The following ZDHHC20 variants were observed in gnomAD, a reference collection of about 807,000 sequenced individuals.
ZDHHC20 encodes palmitoyltransferase ZDHHC20.
ZDHHC20 carries 43 observed loss-of-function variants against 57.8 expected under a neutral mutation model. That is an observed-to-expected ratio of 0.74 (90% CI 0.58 to 0.96). The LOEUF is 0.96. ZDHHC20 is among the 40% of genes least tolerant of loss of function. The probability of loss-of-function intolerance (pLI) is 0.00; values close to 1 mark genes in which losing one functional copy is unlikely to be tolerated. For synonymous variants in ZDHHC20, 157 were observed against 153.0 expected, an observed-to-expected ratio of 1.03 and a Z score of -0.19; for missense variants, 391 against 441.1, an observed-to-expected ratio of 0.89 and a Z score of 1.02.
chr13:21,402,903 G>A (rs1471127970), intron 4 of ZDHHC20, 37 bp from the exon 5 acceptor site: 2 of 1,484,634 alleles, frequency 1.3e-6, no homozygotes, highest in Non-Finnish European at 1.8e-6. Flanking sequence ...GCTGAAGGAT[G>A]TACAAACTTA....
chr13:21,453,687 T>C (rs1169481437), intron 1 of ZDHHC20, among the ~76,000 whole-genome samples: 1 of 151,972 alleles, frequency 6.6e-6, no homozygotes, highest in Non-Finnish European at 1.5e-5. Context: ...AACCCCCAAA[T>C]AAATGGAAAC....
chr13:21,459,114 G>C lies in ZDHHC20; in HGVS notation c.58C>G (p.Leu20Val). The C allele has an allele frequency of 6.2e-6, 10 of 1,607,780 alleles. No homozygotes were observed. The highest frequency in any genetic ancestry group is 8.5e-6 in the Non-Finnish European group (10 of 1,177,624). The change falls in exon 1 of 13, where the codon CTC becomes GTC. Residue 20 changes from leucine (L) to valine (V), a missense_variant. Leu to Val is a conservative substitution (Grantham distance 32, BLOSUM62 1). Coordinates refer to ENST00000400590, the MANE Select transcript of ZDHHC20 (RefSeq NM_001330059.2). Reference sequence around the variant, plus strand: ...CAGACGACCACGAAGGTGATGAAGAGCACCGGCACCCAGCCCACGACGCGC... The same window carrying C: ...CAGACGACCACGAAGGTGATGAAGACCACCGGCACCCAGCCCACGACGCGC... ...CQRVVGWVPVLFITFVVVWSY... is the reference protein window; with the variant it reads ...CQRVVGWVPVVFITFVVVWSY...
chr13:21,417,609 TTG>T (rs1178004930), intron 3 of ZDHHC20, among the ~76,000 whole-genome samples: 1 of 152,078 alleles, frequency 6.6e-6, no homozygotes, highest in African/African-American at 2.4e-5. Flanking sequence ...CCGGCTAATT[TTG>T]TGTTTTTAGT....
At chr13:21,384,048 G>A (rs1022813812) in intron 9 of ZDHHC20, among the ~76,000 whole-genome samples, 1 of 151,802 alleles carries the variant, frequency 6.6e-6, no homozygotes, top group Non-Finnish European at 1.5e-5. Flanking sequence ...ACCAAGTTAA[G>A]TTACAGCTTT....
At chr13:21,436,821 A>C (rs1023761305) in intron 1 of ZDHHC20, among the ~76,000 whole-genome samples, 1 of 152,168 alleles carries the variant, frequency 6.6e-6, no homozygotes, top group Admixed American at 6.5e-5. Flanking sequence ...CATGTTAAAA[A>C]CCAAGACAGG....
intron 7 of ZDHHC20, among the ~76,000 whole-genome samples, chr13:21,396,996 G>A (rs891812910): frequency 2.6e-5 from 4 of 152,170 alleles, no homozygotes; most frequent in Non-Finnish European, 4.4e-5. Context: ...TCAGTAGCTT[G>A]CTTTTTCACT....
At chr13:21,427,692 AGGCATGGT>A (rs1725768599) in intron 1 of ZDHHC20, among the ~76,000 whole-genome samples, 2 of 151,986 alleles carry the variant, frequency 1.3e-5, no homozygotes, top group Non-Finnish European at 2.9e-5. Flanking sequence ...AAAATTAGCC[AGGCATGGT>A]GGCATGCACC....
At chr13:21,415,209 T>G (rs1363172908) in intron 3 of ZDHHC20, among the ~76,000 whole-genome samples, 1 of 152,212 alleles carries the variant, frequency 6.6e-6, no homozygotes, top group Non-Finnish European at 1.5e-5. Context: ...GGCAATTTTC[T>G]AAGATTGCAG....
intron 1 of ZDHHC20, among the ~76,000 whole-genome samples, chr13:21,433,389 G>C (rs550393499): frequency 6.6e-6 from 1 of 152,058 alleles, no homozygotes; most frequent in Non-Finnish European, 1.5e-5. Flanking sequence ...AGGCTGAGGC[G>C]GGCGGATCAT....
intron 7 of ZDHHC20, among the ~76,000 whole-genome samples, chr13:21,397,263 T>C (rs1593202779): frequency 6.6e-6 from 1 of 151,540 alleles, no homozygotes; most frequent in East Asian, 1.9e-4. Flanking sequence ...GAAGTGGAGG[T>C]TGCAGTGAGC....
At chr13:21,381,848 G>A in intron 10 of ZDHHC20, 1 of 571,714 alleles carries the variant, frequency 1.7e-6, no homozygotes, top group East Asian at 4.0e-5. Context: ...GGAGCCATAG[G>A]TAGTACAAGG....
intron 4 of ZDHHC20, among the ~76,000 whole-genome samples, chr13:21,406,708 A>G (rs1878497197): frequency 6.6e-6 from 1 of 152,222 alleles, no homozygotes; most frequent in Admixed American, 6.5e-5. Context: ...TGCAAAGGAC[A>G]TGAACTCATT....
chr13:21,431,294 CCCTGATAAAA>C (rs374669879), intron 1 of ZDHHC20, among the ~76,000 whole-genome samples: 2 of 152,056 alleles, frequency 1.3e-5, no homozygotes, highest in African/African-American at 4.8e-5. Flanking sequence ...AAGCAGAAAC[CCCTGATAAAA>C]CCATCAGATC....
rs145768019 is a variant in ZDHHC20, at chr13:21,381,298, G to A, written c.1060+136C>T. ...TGGGATTACAGGCGTGAGCCACCGCGCCCAGCATATATTTAAAAGTTTCAC... is the reference window on the plus strand; with the variant it reads ...TGGGATTACAGGCGTGAGCCACCGCACCCAGCATATATTTAAAAGTTTCAC... On this transcript the variant is annotated intron_variant, in intron 11 of 12. Transcript: ENST00000400590. 2,099 of 760,988 alleles carry A rather than the reference G, an allele frequency of 2.8e-3. 23 individuals are homozygous for A. In the African/African-American group the frequency reaches 0.029, roughly 11 times the overall value. The allele number at this position is 760,988 out of a possible 1,614,324, so 47.1% of individuals were successfully genotyped here. A position where few individuals can be genotyped will look rare whatever the true frequency, so the allele number is the denominator to read the frequency against.
chr13:21,410,594 G>A (rs1166622000), intron 4 of ZDHHC20, among the ~76,000 whole-genome samples: 1 of 152,234 alleles, frequency 6.6e-6, no homozygotes, highest in African/African-American at 2.4e-5. Context: ...TCTGGCTACA[G>A]TGCCTTTGCA....
intron 4 of ZDHHC20, among the ~76,000 whole-genome samples, chr13:21,407,475 G>T (rs1302809811): frequency 6.6e-6 from 1 of 152,144 alleles, no homozygotes; most frequent in African/African-American, 2.4e-5. Flanking sequence ...TTTTGATGAG[G>T]TTGTTTTTTT....
chr13:21,445,052 G>A (rs1883542584), intron 1 of ZDHHC20, among the ~76,000 whole-genome samples: 2 of 151,892 alleles, frequency 1.3e-5, no homozygotes, highest in South Asian at 4.1e-4. Flanking sequence ...GTGAGACCCT[G>A]TCTCAAAACA....
At chr13:21,441,530 C>T (rs1057035237) in intron 1 of ZDHHC20, among the ~76,000 whole-genome samples, 5 of 140,692 alleles carry the variant, frequency 3.6e-5, no homozygotes, top group African/African-American at 5.2e-5. Flanking sequence ...GGACTACAGG[C>T]GCCCGCCACC....
chr13:21,396,413 G>A (rs529781835), intron 7 of ZDHHC20, among the ~76,000 whole-genome samples: 2 of 152,112 alleles, frequency 1.3e-5, no homozygotes, highest in East Asian at 3.9e-4. Context: ...GAAAAAAATA[G>A]GACAATATCT....
Sources: gnomAD v4.1 joint callset for allele counts (sites outside exome capture counted in the v4.1 genomes callset) on GRCh38, gnomAD v4.1.1 for gene constraint, MANE v1.5 for transcripts, NCBI Gene and HGNC (gene_info 2026-07-23, HGNC 2026-07-21) for gene names.